The following ZNF85 variants were observed in gnomAD, a reference collection of about 807,000 sequenced individuals.
ZNF85 encodes the protein zinc finger protein 85 (HPF4, HTF1).
ZNF85 carries 50 observed loss-of-function variants against 53.9 expected under a neutral mutation model. The observed-to-expected ratio is 0.93, with a 90% CI of 0.74 to 1.17. ZNF85 has a LOEUF of 1.17. Among genes scored for constraint, ZNF85 ranks in the 50% most tolerant of loss-of-function variants. The pLI, the probability that ZNF85 is intolerant of heterozygous loss-of-function variation, is 0.00. For missense variants in ZNF85, 747 were observed against 688.5 expected (o/e 1.08, Z -0.95); for synonymous variants, 225 against 226.1 (o/e 1.00, Z 0.04).
intron 3 of ZNF85, among the ~76,000 whole-genome samples, chr19:20,939,171 G>A (rs376755027): frequency 4.6e-5 from 7 of 152,150 alleles, no homozygotes; most frequent in African/African-American, 1.7e-4. Flanking sequence ...TTTCTTAATG[G>A]TACATCAATA....
intron 1 of ZNF85, among the ~76,000 whole-genome samples, chr19:20,933,418 A>G (rs1343700449): frequency 6.7e-6 from 1 of 149,306 alleles, no homozygotes; most frequent in Non-Finnish European, 1.5e-5. Flanking sequence ...CAAAGCTCTT[A>G]TCTTTGTTTA....
intron 1 of ZNF85, among the ~76,000 whole-genome samples, chr19:20,930,128 A>ACCCC (rs1273490169): frequency 2.0e-5 from 3 of 150,378 alleles, no homozygotes; most frequent in African/African-American, 7.3e-5. Context: ...CCCAAAAAAA[A>ACCCC]AAAAAAAAAA....
rs774167699 is a variant in ZNF85 at position 20,949,206 on chromosome 19, A to T, written c.692A>T (p.Lys231Ile). 5 of 1,613,304 alleles carry T rather than the reference A, an allele frequency of 3.1e-6. No individual in the cohort carries two copies. The Admixed American group carries it at 8.3e-5, about 27-fold the overall frequency. ...ATTCATACGGGAGAGAAACCTTACA[A>T]ATGTGAAGAATGTGGTAAAGCCTTT... is the stretch of plus-strand genomic sequence containing the variant. The part of the protein sequence containing the change: ...KRIHTGEKPY[K>I]CEECGKAFNQ... Residue 231 changes from lysine (K) to isoleucine (I), a missense_variant, in exon 4 of 4, where the codon AAA (lysine) becomes ATA (isoleucine). By Grantham distance (102) the Lys-to-Ile change is moderately radical. Coordinates refer to ENST00000328178, the MANE Select transcript of ZNF85 (RefSeq NM_003429.5).
At chr19:20,931,550 A>G (rs1258795399) in intron 1 of ZNF85, among the ~76,000 whole-genome samples, 1 of 151,696 alleles carries the variant, frequency 6.6e-6, no homozygotes, top group Non-Finnish European at 1.5e-5. Flanking sequence ...GGGTGGCCGC[A>G]GGACTGTTTC....
intron 3 of ZNF85, among the ~76,000 whole-genome samples, chr19:20,941,725 A>C (rs2144650844): frequency 6.6e-6 from 1 of 152,310 alleles, no homozygotes; most frequent in East Asian, 1.9e-4. Context: ...TGATTTGCAA[A>C]TATTTTTAGC....
chr19:20,928,981 A>G (rs962258657), intron 1 of ZNF85, among the ~76,000 whole-genome samples: 1 of 151,964 alleles, frequency 6.6e-6, no homozygotes, highest in African/African-American at 2.4e-5. Context: ...TCACAGAGGT[A>G]CTAAGCATAG....
rs557006224 is a variant in ZNF85 at position 20,949,238 on chromosome 19, T to C, written c.724T>C (p.Ser242Pro). 18 of 1,612,742 alleles carry C rather than the reference T, an allele frequency of 1.1e-5. No homozygotes were observed. The East Asian group carries it at 3.1e-4, about 28-fold the overall frequency. Residue 242 changes from serine to proline, a missense_variant, in exon 4 of 4, where the codon TCC (serine) becomes CCC (proline). Ser to Pro is a moderately conservative substitution (Grantham distance 74, BLOSUM62 -1). Coordinates refer to ENST00000328178, the MANE Select transcript of ZNF85 (RefSeq NM_003429.5). ...CEECGKAFNQ[S>P]SNLIKHKKIH... is the part of the protein sequence containing the mutation. ...AGAATGTGGTAAAGCCTTTAACCAG[T>C]CCTCAAACCTTATTAAACATAAGAA...
chr19:20,938,424 C>G (rs1047623532), intron 3 of ZNF85, among the ~76,000 whole-genome samples: 2 of 152,104 alleles, frequency 1.3e-5, no homozygotes, highest in African/African-American at 4.8e-5. Flanking sequence ...TACCATGTAG[C>G]TGTCATTATA....
Position 20,948,775 on chromosome 19 carries a change from G to C in ZNF85, c.261G>C (p.Trp87Cys). Residue 87 changes from tryptophan to cysteine, a missense_variant, in exon 4 of 4, where the codon TGG becomes TGC. Physicochemically the swap from Trp to Cys is radical, Grantham distance 215. Coordinates refer to ENST00000328178, the MANE Select transcript of ZNF85 (RefSeq NM_003429.5). ...GTTCTCATTTTGCCCAAGACCTTTG[G>C]CCGGAGCAGAATATAAAAGATTCTT... Reference protein sequence around the residue: ...VMCSHFAQDLWPEQNIKDSFQ... With the variant: ...VMCSHFAQDLCPEQNIKDSFQ... The C allele has an allele frequency of 6.3e-7, 1 of 1,588,304 alleles. No homozygotes were observed. The highest frequency in any genetic ancestry group is 8.6e-7 in the Non-Finnish European group (1 of 1,168,940).
chr19:20,949,760 CATAAG>C lies in ZNF85; in HGVS notation c.1251_1255del (p.Lys417AsnfsTer11). On this transcript the variant is annotated frameshift_variant, in exon 4 of 4. Coordinates refer to ENST00000328178, the MANE Select transcript of ZNF85 (RefSeq NM_003429.5). LOFTEE classifies it high-confidence loss of function. ...TAAACACTCTTCAACCCTTACTAAA[CATAAG>C]ATAATTCATACTGGAGAGAAGCCTT... The C allele has an allele frequency of 2.5e-6, 4 of 1,611,812 alleles. No homozygotes were observed. Among genetic ancestry groups the C allele is most frequent in the Non-Finnish European group, 3.4e-6 (4 of 1,179,038 alleles).
intron 2 of ZNF85, among the ~76,000 whole-genome samples, chr19:20,934,544 C>T (rs181691972): frequency 0.011 from 1,738 of 151,952 alleles, 28 homozygotes; most frequent in African/African-American, 0.033. Flanking sequence ...CTGAGGCGGA[C>T]GGATCACGAG....
chr19:20,938,684 G>A (rs1599438252), intron 3 of ZNF85, among the ~76,000 whole-genome samples: 2 of 151,980 alleles, frequency 1.3e-5, no homozygotes, highest in Admixed American at 1.3e-4. Flanking sequence ...CAATTAGTAG[G>A]CACTCCATAT....
intron 1 of ZNF85, among the ~76,000 whole-genome samples, chr19:20,930,265 A>T (rs1447121637): frequency 6.6e-6 from 1 of 152,150 alleles, no homozygotes; most frequent in Non-Finnish European, 1.5e-5. Context: ...CTTAATTTTT[A>T]AATTTTGTAT....
chr19:20,950,208 C>T lies in ZNF85; in HGVS notation c.1694C>T (p.Pro565Leu). ...AAGAGAATTCATACTGGAGAAAAAC[C>T]TTACAAATGTGAAGAATGTGACAAA... is the stretch of plus-strand genomic sequence containing the variant. ...KHKRIHTGEKPYKCEECDKAF... is the reference protein window; with the variant it reads ...KHKRIHTGEKLYKCEECDKAF... The change falls in exon 4 of 4, where the codon CCT (proline) becomes CTT (leucine). Residue 565 changes from proline (P) to leucine (L), a missense_variant. Coordinates refer to ENST00000328178, the MANE Select transcript of ZNF85 (RefSeq NM_003429.5). 6.2e-7 allele frequency: 1 copy of T among 1,611,476 alleles called. No homozygotes were observed. Among genetic ancestry groups the T allele is most frequent in the Non-Finnish European group, 8.5e-7 (1 of 1,179,126 alleles).
rs368039073 is a variant in ZNF85, at chr19:20,949,189, G to A, written c.675G>A (p.Thr225=). The change falls in exon 4 of 4, where the codon ACG becomes ACA. Residue 225 remains threonine, a synonymous_variant. Transcript: ENST00000328178. ...TTACTAAACATAAGAGAATTCATAC[G>A]GGAGAGAAACCTTACAAATGTGAAG... is the stretch of plus-strand genomic sequence containing the variant. ...STLTKHKRIH[T]GEKPYKCEEC... is the part of the protein sequence containing the mutation. The A allele has an allele frequency of 3.5e-5, 57 of 1,612,506 alleles. 1 individual carries two copies. The highest frequency in any genetic ancestry group is 2.5e-4 in the African/African-American group (19 of 74,672).
At chr19:20,946,243 A>G in intron 3 of ZNF85, 1 of 360,674 alleles carries the variant, frequency 2.8e-6, no homozygotes, top group South Asian at 2.3e-5. Flanking sequence ...TTAAAGAGTA[A>G]TTTATAAAAT....
At chr19:20,938,884 ATG>A (rs1353951784) in intron 3 of ZNF85, among the ~76,000 whole-genome samples, 150 of 144,600 alleles carry the variant, frequency 1.0e-3, no homozygotes, top group African/African-American at 2.3e-3. Context: ...GTGTATATAT[ATG>A]TGTGTGTGTG....
chr19:20,929,132 C>G (rs1242529324), intron 1 of ZNF85, among the ~76,000 whole-genome samples: 1 of 150,618 alleles, frequency 6.6e-6, no homozygotes, highest in African/African-American at 2.4e-5. Flanking sequence ...GAGTCTTGCT[C>G]TGTCACCCAG....
Position 20,950,351 on chromosome 19 carries a change from A to C in ZNF85, c.*49A>C. On this transcript the variant is annotated 3_prime_UTR_variant, in exon 4 of 4. Coordinates refer to ENST00000328178, the MANE Select transcript of ZNF85 (RefSeq NM_003429.5). ...ATTTACAAGTCTTACTAAACATAAG[A>C]AAATTTATACTGGAGAGAAACTACT... 1 of 1,332,538 alleles carries C rather than the reference A, an allele frequency of 7.5e-7. No homozygotes were observed. Among genetic ancestry groups the C allele is most frequent in the African/African-American group, 1.5e-5 (1 of 67,864 alleles). The allele number at this position is 1,332,538 out of a possible 1,614,324, so 82.5% of individuals were successfully genotyped here. A position where few individuals can be genotyped will look rare whatever the true frequency, so the allele number is the denominator to read the frequency against.
Sources: gnomAD v4.1 joint callset for allele counts (sites outside exome capture counted in the v4.1 genomes callset) on GRCh38, gnomAD v4.1.1 for gene constraint, MANE v1.5 for transcripts, NCBI Gene and HGNC (gene_info 2026-07-23, HGNC 2026-07-21) for gene names.